RFX2: variants seen among roughly 807,000 people sequenced by gnomAD.
The protein encoded by RFX2 is regulatory factor X2.
A neutral mutation model predicts 87.8 loss-of-function variants in RFX2; 20 were observed. That is an observed-to-expected ratio of 0.23 (90% CI 0.16 to 0.33). The LOEUF (loss-of-function observed/expected upper bound fraction) is 0.33, where lower values mean the gene tolerates loss of function less well. Ranked by LOEUF, RFX2 falls within the 10% of genes least tolerant of loss-of-function variation. The probability of loss-of-function intolerance (pLI) is 1.00; values close to 1 mark genes in which losing one functional copy is unlikely to be tolerated. For synonymous variants in RFX2, 397 were observed against 431.3 expected (o/e 0.92, Z 0.98); for missense variants, 767 against 1,012.3 (o/e 0.76, Z 3.29).
At chr19:6,081,436 T>C (rs2087783813) in intron 1 of RFX2, among the ~76,000 whole-genome samples, 1 of 152,204 alleles carries the variant, frequency 6.6e-6, no homozygotes, top group South Asian at 2.1e-4. Context: ...ACTAAGCCCA[T>C]TGCATGAAGG....
intron 1 of RFX2, among the ~76,000 whole-genome samples, chr19:6,084,643 C>CTTTCTTTTTTTT (rs372303921): frequency 4.1e-5 from 6 of 145,366 alleles, no homozygotes; most frequent in Non-Finnish European, 8.9e-5. Flanking sequence ...TTCTTTCTTT[C>CTTTCTTTTTTTT]TTTTTTTTGA....
intron 1 of RFX2, among the ~76,000 whole-genome samples, chr19:6,089,815 C>G (rs1013116665): frequency 6.6e-6 from 1 of 152,216 alleles, no homozygotes; most frequent in African/African-American, 2.4e-5. Flanking sequence ...CCCTCCACCA[C>G]CCTGTGTAGC....
chr19:6,049,887 T>C (rs1229881950), intron 1 of RFX2, among the ~76,000 whole-genome samples: 1 of 152,166 alleles, frequency 6.6e-6, no homozygotes, highest in African/African-American at 2.4e-5. Flanking sequence ...GACCAATGAG[T>C]CTGTGGCTTT....
intron 12 of RFX2, among the ~76,000 whole-genome samples, chr19:6,005,015 AG>A (rs2086560959): frequency 6.6e-6 from 1 of 152,176 alleles, no homozygotes; most frequent in Non-Finnish European, 1.5e-5. Context: ...GCTATTTGGG[AG>A]GCTGAGGCAG....
At position 6,024,321 on chromosome 19, in the gene RFX2, C is replaced by T. The variant is rs777496941; in HGVS notation, c.597+1842G>A. ...GCTGGGGAGATCCTCTCTCCAAGCA[C>T]GTGTGGAAGACTCCCTTCTCCCTGA... is the stretch of plus-strand genomic sequence containing the variant. On this transcript the variant is annotated intron_variant, in intron 6 of 17. Transcript: ENST00000303657. This position sits in a 1 kb window ranked among gnomAD's most constrained non-coding sequence, Gnocchi z 5.0. Among the ~76,000 whole-genome samples the T allele has an allele frequency of 3.3e-5, 5 of 152,128 alleles. No individual in the cohort carries two copies. The highest frequency in any genetic ancestry group is 4.8e-5 in the African/African-American group (2 of 41,404).
chr19:6,006,695 C>G (rs935939779), intron 12 of RFX2, among the ~76,000 whole-genome samples: 2 of 151,944 alleles, frequency 1.3e-5, no homozygotes, highest in African/African-American at 4.8e-5. Context: ...AATGATCTGC[C>G]CGCCTCAGCC....
chr19:6,093,734 C>A (rs988784658), intron 1 of RFX2, among the ~76,000 whole-genome samples: 7 of 150,016 alleles, frequency 4.7e-5, no homozygotes, highest in Non-Finnish European at 8.9e-5. Flanking sequence ...AAAAAAAAAA[C>A]ACACAAAAAA....
intron 1 of RFX2, among the ~76,000 whole-genome samples, chr19:6,081,718 C>T (rs1358484413): frequency 6.6e-6 from 1 of 152,140 alleles, no homozygotes; most frequent in Non-Finnish European, 1.5e-5. Context: ...TTTCAGAGGT[C>T]GAGGAGGGTG....
Position 5,997,317 on chromosome 19 carries a change from G to A in RFX2, c.1860-104C>T. 7.7e-7 allele frequency: 1 copy of A among 1,294,090 alleles called. No individual in the cohort carries two copies. 80.2% of individuals were successfully genotyped at this position (1,294,090 alleles called of 1,614,324 possible). On this transcript the variant is annotated intron_variant, in intron 15 of 17. Transcript: ENST00000303657. This position sits in a 1 kb window ranked among gnomAD's most constrained non-coding sequence, Gnocchi z 4.2. Reference sequence around the variant, plus strand: ...ACACACCCCCTGCTCTACGTTCCCTGGGGAACCCAGAGGCTGAGTGATCCT... The same window carrying A: ...ACACACCCCCTGCTCTACGTTCCCTAGGGAACCCAGAGGCTGAGTGATCCT...
At chr19:6,077,082 T>C (rs1171742008) in intron 1 of RFX2, 3 of 152,268 alleles carry the variant, frequency 2.0e-5, no homozygotes, top group Non-Finnish European at 4.4e-5. Context: ...TGCAACCTTA[T>C]TCTCGGCTGA....
chr19:6,003,994 A>G (rs1485032493), intron 13 of RFX2, among the ~76,000 whole-genome samples: 1 of 152,130 alleles, frequency 6.6e-6, no homozygotes, highest in African/African-American at 2.4e-5. Context: ...CAAAGATGTG[A>G]CATCAAATGA....
chr19:6,053,851 G>C (rs2087295621), intron 1 of RFX2, among the ~76,000 whole-genome samples: 2 of 150,564 alleles, frequency 1.3e-5, no homozygotes, highest in South Asian at 4.2e-4. Context: ...AGCTACTCAG[G>C]AGGCTGAGGT....
At chr19:6,037,242 C>T (rs1464343572) in intron 5 of RFX2, among the ~76,000 whole-genome samples, 1 of 151,166 alleles carries the variant, frequency 6.6e-6, no homozygotes, top group Non-Finnish European at 1.5e-5. Context: ...CCAGATTGCG[C>T]CACTGCACTC....
chr19:6,091,126 G>T (rs959725090), intron 1 of RFX2, among the ~76,000 whole-genome samples: 1 of 152,180 alleles, frequency 6.6e-6, no homozygotes, highest in Non-Finnish European at 1.5e-5. Flanking sequence ...GAATTAGAGA[G>T]TGATGATGGC....
intron 5 of RFX2, among the ~76,000 whole-genome samples, chr19:6,034,324 G>A (rs938561991): frequency 3.3e-5 from 5 of 151,946 alleles, no homozygotes; most frequent in Middle Eastern, 3.4e-3. Flanking sequence ...CGCCTCCCGG[G>A]TTCAAGTGAT....
At chr19:6,095,859 A>G (rs572468396) in intron 1 of RFX2, among the ~76,000 whole-genome samples, 13 of 152,200 alleles carry the variant, frequency 8.5e-5, no homozygotes, top group Non-Finnish European at 1.8e-4. Flanking sequence ...GTTAGAAAAA[A>G]ATCAAAATCA....
Position 6,002,610 on chromosome 19 carries a change from G to A in RFX2, c.1650+111C>T. The A allele has an allele frequency of 7.4e-7, 1 of 1,357,110 alleles. No homozygotes were observed. Among genetic ancestry groups the A allele is most frequent in the Non-Finnish European group, 1.0e-6 (1 of 974,756 alleles). 84.1% of individuals were successfully genotyped at this position (1,357,110 alleles called of 1,614,324 possible). A position where few individuals can be genotyped will look rare whatever the true frequency, so the allele number is the denominator to read the frequency against. ...ACCCGTGTCATGCAACAGAACCGTG[G>A]CCAGGCTCGGGGCAGGGGCCAGGTT... is the stretch of plus-strand genomic sequence containing the variant. On this transcript the variant is annotated intron_variant, in intron 14 of 17. Transcript: ENST00000303657. The surrounding 1 kb of genome is among the most constrained non-coding windows in gnomAD (Gnocchi z 6.7).
At chr19:6,089,468 C>T (rs2087903048) in intron 1 of RFX2, among the ~76,000 whole-genome samples, 1 of 152,206 alleles carries the variant, frequency 6.6e-6, no homozygotes, top group African/African-American at 2.4e-5. Flanking sequence ...CCCCCCAAAA[C>T]TCACATGTTG....
Position 6,016,041 on chromosome 19 carries a change from C to A in RFX2, c.779+49G>T, listed in dbSNP as rs747198452. ...TCGCATTTTCCCAAAAGCTCCATTTCTTGGGAAAGGAAGAGGAAGAACAGG... is the reference window on the plus strand; with the variant it reads ...TCGCATTTTCCCAAAAGCTCCATTTATTGGGAAAGGAAGAGGAAGAACAGG... On this transcript the variant is annotated intron_variant, in intron 7 of 17. Transcript: ENST00000303657. This position sits in a 1 kb window ranked among gnomAD's most constrained non-coding sequence, Gnocchi z 5.4. 2.0e-6 allele frequency: 3 copies of A among 1,511,020 alleles called. No homozygotes were observed. The highest frequency in any genetic ancestry group is 2.6e-5 in the South Asian group (2 of 77,624). 93.6% of individuals were successfully genotyped at this position (1,511,020 alleles called of 1,614,324 possible). A position where few individuals can be genotyped will look rare whatever the true frequency, so the allele number is the denominator to read the frequency against.
Sources: allele counts gnomAD v4.1 joint callset (sites outside exome capture counted in the v4.1 genomes callset), GRCh38; gene constraint gnomAD v4.1.1; non-coding constraint Gnocchi (gnomAD v3.1); transcripts MANE v1.5; gene names NCBI Gene and HGNC (gene_info 2026-07-23, HGNC 2026-07-21).